The following CNBD1 variants were observed in gnomAD, a reference collection of about 807,000 sequenced individuals.
CNBD1 encodes the protein cyclic nucleotide binding domain containing 1, also known as cyclic nucleotide-binding domain-containing protein 1.
A neutral mutation model predicts 54.4 loss-of-function variants in CNBD1; 71 were observed. The observed-to-expected ratio is 1.30, with a 90% CI of 1.08 to 1.59. CNBD1 has a LOEUF of 1.59. Among genes scored for constraint, CNBD1 ranks in the 40% most tolerant of loss-of-function variants. CNBD1 has a pLI of 0.00. For missense variants in CNBD1, 659 were observed against 518.0 expected, an observed-to-expected ratio of 1.27 and a Z score of -2.64; for synonymous variants, 182 against 170.7, an observed-to-expected ratio of 1.07 and a Z score of -0.51.
intron 2 of CNBD1, among the ~76,000 whole-genome samples, chr8:87,404,190 G>A (rs1212699939): frequency 6.6e-6 from 1 of 152,032 alleles, no homozygotes; most frequent in Non-Finnish European, 1.5e-5. Context: ...TCCAACGTGG[G>A]CAGTGGCAGG....
intron 4 of CNBD1, among the ~76,000 whole-genome samples, chr8:87,045,789 C>G (rs1173807395): frequency 6.7e-6 from 1 of 148,974 alleles, no homozygotes; most frequent in Non-Finnish European, 1.5e-5. Flanking sequence ...CGCCTATAAT[C>G]CCAGCACTTT....
intron 4 of CNBD1, among the ~76,000 whole-genome samples, chr8:86,959,641 C>T (rs548070859): frequency 2.9e-4 from 44 of 152,208 alleles, no homozygotes; most frequent in Admixed American, 1.2e-3. Context: ...TTGATTGAAT[C>T]GGCTACTAAA....
chr8:87,168,430 A>G (rs1403433722), intron 4 of CNBD1, among the ~76,000 whole-genome samples: 1 of 152,156 alleles, frequency 6.6e-6, no homozygotes, highest in Non-Finnish European at 1.5e-5. Context: ...GTTATGAACA[A>G]TCCAATATAC....
At chr8:86,990,548 A>G (rs1808722070) in intron 4 of CNBD1, among the ~76,000 whole-genome samples, 1 of 152,056 alleles carries the variant, frequency 6.6e-6, no homozygotes, top group South Asian at 2.1e-4. Context: ...TCATTGGTCT[A>G]TGTGTCTGCT....
chr8:87,271,392 CT>C (rs1808359881), intron 6 of CNBD1, among the ~76,000 whole-genome samples: 1 of 151,844 alleles, frequency 6.6e-6, no homozygotes, highest in African/African-American at 2.4e-5. Context: ...CTTCTATGAA[CT>C]TATCTCTTAA....
At chr8:87,018,423 A>C (rs1389129292) in intron 4 of CNBD1, among the ~76,000 whole-genome samples, 1 of 152,220 alleles carries the variant, frequency 6.6e-6, no homozygotes, top group Non-Finnish European at 1.5e-5. Flanking sequence ...AAGGCAAAGC[A>C]TAACACTTAA....
rs556660149 is a variant in CNBD1, at chr8:87,178,926, A to T, written c.432-27067A>T. Among the ~76,000 whole-genome samples the T allele has an allele frequency of 7.6e-4, 115 of 150,734 alleles. 1 individual carries two copies. In the South Asian group the frequency reaches 0.018, roughly 23 times the overall value. ...GCTTGTTTGTTTGTTTGTTTGTTTGAGACGGAGTCTCACCCTTGTTGCCCA... is the reference window on the plus strand; with the variant it reads ...GCTTGTTTGTTTGTTTGTTTGTTTGTGACGGAGTCTCACCCTTGTTGCCCA... On this transcript the variant is annotated intron_variant, in intron 4 of 10. Coordinates refer to ENST00000518476, the MANE Select transcript of CNBD1 (RefSeq NM_173538.3).
chr8:86,991,584 C>G (rs1164135163), intron 4 of CNBD1, among the ~76,000 whole-genome samples: 2 of 152,064 alleles, frequency 1.3e-5, no homozygotes, highest in Non-Finnish European at 2.9e-5. Flanking sequence ...TTTTCCCCCT[C>G]CAGTTCTTCT....
At chr8:87,309,977 T>C (rs1809230708) in intron 8 of CNBD1, among the ~76,000 whole-genome samples, 2 of 152,112 alleles carry the variant, frequency 1.3e-5, no homozygotes, top group African/African-American at 2.4e-5. Context: ...ATGACTTCAG[T>C]AGAGTTTCAA....
Position 87,362,855 on chromosome 8 carries a change from A to G in CNBD1, c.1303+9069A>G, listed in dbSNP as rs182735485. On this transcript the variant is annotated intron_variant, in intron 10 of 10. Transcript: ENST00000518476. ...GACTTGGATCAATCTTATGGAGTTC[A>G]TTCAAATTGCATATTCTAACTTTTT... 3.9e-4 allele frequency among the ~76,000 whole-genome samples: 59 copies of G among 152,168 alleles called. No homozygotes were observed. The East Asian group carries it at 0.011, about 28-fold the overall frequency.
chr8:87,384,218 G>A (rs184479803), downstream of CNBD1, among the ~76,000 whole-genome samples: 571 of 152,094 alleles, frequency 3.8e-3, 6 homozygotes, highest in African/African-American at 0.013. Flanking sequence ...TATTTTATCT[G>A]TAGCCATTAG....
intron 4 of CNBD1, among the ~76,000 whole-genome samples, chr8:86,958,645 T>G (rs1409496091): frequency 6.6e-6 from 1 of 152,232 alleles, no homozygotes; most frequent in Non-Finnish European, 1.5e-5. Flanking sequence ...AGACTAGGAT[T>G]GCAACCCCTG....
chr8:87,078,112 G>A (rs903188649), intron 4 of CNBD1, among the ~76,000 whole-genome samples: 3 of 152,130 alleles, frequency 2.0e-5, no homozygotes, highest in Non-Finnish European at 4.4e-5. Context: ...TATTGTAGGA[G>A]TTCATTAGAA....
intron 5 of CNBD1, among the ~76,000 whole-genome samples, chr8:87,214,650 T>C (rs889451720): frequency 6.6e-6 from 1 of 152,178 alleles, no homozygotes; most frequent in South Asian, 2.1e-4. Flanking sequence ...GGGTAATTTA[T>C]AAAAGAAAGA....
At chr8:87,214,586 C>T (rs1814168732) in intron 5 of CNBD1, among the ~76,000 whole-genome samples, 1 of 152,158 alleles carries the variant, frequency 6.6e-6, no homozygotes, top group Non-Finnish European at 1.5e-5. Flanking sequence ...CTACCAGTAT[C>T]AATTTACTTT....
intron 3 of CNBD1, among the ~76,000 whole-genome samples, chr8:86,928,329 G>C (rs903493517): frequency 7.2e-5 from 11 of 152,196 alleles, no homozygotes; most frequent in African/African-American, 2.7e-4. Flanking sequence ...CCATGGGCAA[G>C]AGAATAGGAC....
At chr8:87,149,313 G>A (rs900561606) in intron 4 of CNBD1, among the ~76,000 whole-genome samples, 1 of 152,202 alleles carries the variant, frequency 6.6e-6, no homozygotes, top group African/African-American at 2.4e-5. Context: ...ATTATAGTCA[G>A]ACTATTGGCA....
intron 4 of CNBD1, among the ~76,000 whole-genome samples, chr8:87,134,779 A>T (rs1252074254): frequency 5.6e-5 from 8 of 141,750 alleles, no homozygotes; most frequent in African/African-American, 1.0e-4. Context: ...ATATTTTTGA[A>T]TTTTTTTTTT....
chr8:87,399,123 T>C (rs1295980931), intron 2 of CNBD1, among the ~76,000 whole-genome samples: 1 of 152,100 alleles, frequency 6.6e-6, no homozygotes, highest in Non-Finnish European at 1.5e-5. Flanking sequence ...TATTTTCATG[T>C]CTTAATTTCA....
Sources: gnomAD v4.1 joint callset for allele counts (sites outside exome capture counted in the v4.1 genomes callset) on GRCh38, gnomAD v4.1.1 for gene constraint, MANE v1.5 for transcripts, NCBI Gene and HGNC (gene_info 2026-07-23, HGNC 2026-07-21) for gene names.